The following CD164 variants were observed in gnomAD, a reference collection of about 807,000 sequenced individuals.
CD164 encodes the protein sialomucin core protein 24.
Under a neutral mutation model 24.6 loss-of-function variants are expected in CD164, and 11 were observed. That is an observed-to-expected ratio of 0.45 (90% CI 0.28 to 0.74). The LOEUF is 0.74. Ranked by LOEUF, CD164 falls within the 30% of genes least tolerant of loss-of-function variation. The probability of loss-of-function intolerance (pLI) is 0.13; values close to 1 mark genes in which losing one functional copy is unlikely to be tolerated. For synonymous variants in CD164, 126 were observed against 100.3 expected, an observed-to-expected ratio of 1.26 and a Z score of -1.53; for missense variants, 295 against 243.7, an observed-to-expected ratio of 1.21 and a Z score of -1.40.
rs374110578 is a variant in CD164, at chr6:109,379,554, G to C, written c.259+25C>G. ...TATTTTAAAATGCTATAACAAAACA[G>C]TTTTGCATCCCCAAAGTTTCTTACC... On this transcript the variant is annotated intron_variant, in intron 2 of 5. Coordinates refer to ENST00000310786, the MANE Select transcript of CD164 (RefSeq NM_006016.6). The C allele has an allele frequency of 2.0e-6, 3 of 1,527,822 alleles. No homozygotes were observed. In the African/African-American group the frequency reaches 4.1e-5, roughly 21 times the overall value. The allele number at this position is 1,527,822 out of a possible 1,614,324, so 94.6% of individuals were successfully genotyped here.
chr6:109,381,869 G>A (rs916470809), intron 1 of CD164: 2 of 482,320 alleles, frequency 4.1e-6, no homozygotes, highest in East Asian at 3.6e-5. Context: ...CGCTGCCCCC[G>A]CGGAAGGAAG....
At chr6:109,370,565 C>T (rs1305134605) in intron 4 of CD164, 98 bp from the exon 5 acceptor site, 17 of 1,115,716 alleles carry the variant, frequency 1.5e-5, no homozygotes, top group Non-Finnish European at 9.0e-6. Context: ...CTTCAACATG[C>T]TTTCAATTTT....
At chr6:109,373,648 T>C (rs963233156) in intron 4 of CD164, among the ~76,000 whole-genome samples, 1 of 152,166 alleles carries the variant, frequency 6.6e-6, no homozygotes, top group Non-Finnish European at 1.5e-5. Flanking sequence ...GTTCCCCCAC[T>C]CCCTGCACCC....
rs1770788148 is a variant in CD164 at position 109,366,877 on chromosome 6, GCAGTGCTCAAA to G, written c.*1963_*1973del. On this transcript the variant is annotated 3_prime_UTR_variant, in exon 6 of 6. Coordinates refer to ENST00000310786, the MANE Select transcript of CD164 (RefSeq NM_006016.6). ...ATTTTATATTATGCTTGTTGTTAGA[GCAGTGCTCAAA>G]ATTACAGAAGCTTCAAATTGTTATG... 1 of 152,270 alleles carries G rather than the reference GCAGTGCTCAAA, an allele frequency of 6.6e-6. No individual in the cohort carries two copies. 9.4% of individuals were successfully genotyped at this position (152,270 alleles called of 1,614,324 possible).
At chr6:109,378,773 A>C (rs1771566803) in intron 2 of CD164, among the ~76,000 whole-genome samples, 1 of 152,126 alleles carries the variant, frequency 6.6e-6, no homozygotes, top group Admixed American at 6.6e-5. Context: ...AAAAAAGTTA[A>C]TTTGGCCCAA....
intron 1 of CD164, 45 bp downstream of exon 1, chr6:109,382,159 C>G (rs1481840438): frequency 2.1e-6 from 3 of 1,435,304 alleles, no homozygotes; most frequent in South Asian, 1.4e-5. Context: ...CAGTGCGGCT[C>G]GGCTGGGCAG....
At position 109,382,463 on chromosome 6, in the gene CD164, A is replaced by G; in HGVS notation, c.-85T>C. 1.5e-6 allele frequency: 2 copies of G among 1,312,578 alleles called. No individual in the cohort carries two copies. The highest frequency in any genetic ancestry group is 2.0e-6 in the Non-Finnish European group (2 of 1,004,182). 81.3% of individuals were successfully genotyped at this position (1,312,578 alleles called of 1,614,324 possible). A position where few individuals can be genotyped will look rare whatever the true frequency, so the allele number is the denominator to read the frequency against. ...TCAATCCCCTGCGGCGCCGCCTCCG[A>G]GACTACGCTCCCCCGCGGGAGCGCG... On this transcript the variant is annotated 5_prime_UTR_variant, in exon 1 of 6. Transcript: ENST00000310786.
chr6:109,368,644 C>T lies in CD164; in HGVS notation c.*207G>A, dbSNP rs1770903995. 1.2e-5 allele frequency: 17 copies of T among 1,367,178 alleles called. No individual in the cohort carries two copies. Among genetic ancestry groups the T allele is most frequent in the South Asian group, 1.9e-5 (1 of 52,310 alleles). The allele number at this position is 1,367,178 out of a possible 1,614,324, so 84.7% of individuals were successfully genotyped here. On this transcript the variant is annotated 3_prime_UTR_variant, in exon 6 of 6. Coordinates refer to ENST00000310786, the MANE Select transcript of CD164 (RefSeq NM_006016.6). ...AAATAAGACAGCCACAGGATTCATG[C>T]AGAATATTTTAAATATTCCTGTTGA...
At position 109,368,521 on chromosome 6, in the gene CD164, G is replaced by C; in HGVS notation, c.*330C>G. The stretch of plus-strand genomic sequence containing the variant: ...CTAAATTTAAACTGCCAAGAGCCAT[G>C]ATGTTGTCTGCACAAGACAACATTT... On this transcript the variant is annotated 3_prime_UTR_variant, in exon 6 of 6. Transcript: ENST00000310786. The C allele has an allele frequency of 1.5e-6, 2 of 1,360,024 alleles. No individual in the cohort carries two copies. Among genetic ancestry groups the C allele is most frequent in the East Asian group, 2.8e-5 (1 of 35,522 alleles). The allele number at this position is 1,360,024 out of a possible 1,614,324, so 84.2% of individuals were successfully genotyped here. A position where few individuals can be genotyped will look rare whatever the true frequency, so the allele number is the denominator to read the frequency against.
chr6:109,382,296 G>T lies in CD164; in HGVS notation c.83C>A (p.Thr28Asn). 6.3e-7 allele frequency: 1 copy of T among 1,585,078 alleles called. No individual in the cohort carries two copies. The change falls in exon 1 of 6, where the codon ACC becomes AAC. Residue 28 changes from threonine to asparagine, a missense_variant. By Grantham distance (65) the Thr-to-Asn change is moderately conservative. Coordinates refer to ENST00000310786, the MANE Select transcript of CD164 (RefSeq NM_006016.6). ...TAAAGTCGTCACGTTCGGGTGCTGG[G>T]TCGTGTTCTTGTCCGCGGACAGCAC... is the stretch of plus-strand genomic sequence containing the variant. ...LCVLSADKNTTQHPNVTTLAP... is the reference protein window; with the variant it reads ...LCVLSADKNTNQHPNVTTLAP...
rs779179297 is a variant in CD164 at position 109,377,943 on chromosome 6, T to C, written c.288A>G (p.Thr96=). The C allele has an allele frequency of 1.9e-6, 3 of 1,613,620 alleles. No homozygotes were observed. The African/African-American group carries it at 4.0e-5, about 22-fold the overall frequency. ...KDESYCSHNS[T]VSDCQVGNTT... is the part of the protein sequence containing the mutation. Reference sequence around the variant, plus strand: ...TGTTCCCCACTTGACAATCACTAACTGTTGAGTTATGTGAACAATAGCTCT... The same window carrying C: ...TGTTCCCCACTTGACAATCACTAACCGTTGAGTTATGTGAACAATAGCTCT... The change falls in exon 3 of 6, where the codon ACA becomes ACG. Residue 96 remains threonine (T), a synonymous_variant. Coordinates refer to ENST00000310786, the MANE Select transcript of CD164 (RefSeq NM_006016.6).
intron 1 of CD164, 154 bp from the exon 2 acceptor site, chr6:109,379,816 G>A: frequency 3.4e-6 from 2 of 588,968 alleles, no homozygotes; most frequent in Non-Finnish European, 5.8e-6. Flanking sequence ...GGTTTACTAA[G>A]AAATTCCAAT....
At position 109,368,591 on chromosome 6, in the gene CD164, A is replaced by T; in HGVS notation, c.*260T>A. On this transcript the variant is annotated 3_prime_UTR_variant, in exon 6 of 6. Transcript: ENST00000310786. ...TATATTTGGCATGTTAAGGAAAAAA[A>T]ATATAATCCCACAGCAGCAGCTATT... is the stretch of plus-strand genomic sequence containing the variant. 1.3e-5 allele frequency: 17 copies of T among 1,345,764 alleles called. No individual in the cohort carries two copies. Among genetic ancestry groups the T allele is most frequent in the Non-Finnish European group, 1.5e-5 (16 of 1,054,474 alleles). 83.4% of individuals were successfully genotyped at this position (1,345,764 alleles called of 1,614,324 possible).
In CD164 at chr6:109,382,314, G is replaced by C; in HGVS notation, c.65C>G (p.Ser22Cys). Residue 22 changes from serine (S) to cysteine (C), a missense_variant, in exon 1 of 6, where the codon TCC becomes TGC. Coordinates refer to ENST00000310786, the MANE Select transcript of CD164 (RefSeq NM_006016.6). ...GTGCTGGGTCGTGTTCTTGTCCGCG[G>C]ACAGCACGCAGAGCACGCCCAGGCA... ...ATCLGVLCVL[S>C]ADKNTTQHPN... 1.3e-6 allele frequency: 2 copies of C among 1,578,972 alleles called. 1 individual carries two copies. The highest frequency in any genetic ancestry group is 2.3e-5 in the South Asian group (2 of 86,478).
chr6:109,370,004 G>A (rs1035181096), intron 5 of CD164, among the ~76,000 whole-genome samples: 1 of 152,202 alleles, frequency 6.6e-6, no homozygotes, highest in Non-Finnish European at 1.5e-5. Flanking sequence ...ACATCTGGTA[G>A]TGATTCTGGC....
chr6:109,375,627 A>AAG (rs1554215563), intron 4 of CD164, among the ~76,000 whole-genome samples: 1 of 144,670 alleles, frequency 6.9e-6, no homozygotes, highest in Non-Finnish European at 1.5e-5. Flanking sequence ...CAAAAAAAAA[A>AAG]AAAGAAAAGA....
At chr6:109,373,507 G>GCA (rs1453714634) in intron 4 of CD164, among the ~76,000 whole-genome samples, 2 of 152,104 alleles carry the variant, frequency 1.3e-5, no homozygotes, top group African/African-American at 2.4e-5. Flanking sequence ...CCCCTTTACA[G>GCA]CACCAAAGAG....
In CD164 at chr6:109,373,388, T is replaced by C. The variant is rs1289405810; in HGVS notation, c.370+2686A>G. On this transcript the variant is annotated intron_variant, in intron 4 of 5. Coordinates refer to ENST00000310786, the MANE Select transcript of CD164 (RefSeq NM_006016.6). The stretch of plus-strand genomic sequence containing the variant: ...CTACCCCTTCACTTCTCACTTGCTC[T>C]CTTCGGCAGACGGTACACATGCCCG... 4.6e-5 allele frequency among the ~76,000 whole-genome samples: 7 copies of C among 152,224 alleles called. No homozygotes were observed. In the East Asian group the frequency reaches 1.2e-3, roughly 25 times the overall value.
chr6:109,378,023 T>G (rs747219785), intron 2 of CD164, 52 bp from the exon 3 acceptor site: 4 of 1,446,314 alleles, frequency 2.8e-6, no homozygotes, highest in Non-Finnish European at 3.9e-6. Context: ...CCCATTTGTA[T>G]TATCTTTGAC....
Sources: allele counts gnomAD v4.1 joint callset (sites outside exome capture counted in the v4.1 genomes callset), GRCh38; gene constraint gnomAD v4.1.1; transcripts MANE v1.5; gene names NCBI Gene and HGNC (gene_info 2026-07-23, HGNC 2026-07-21).